ARHGAP27: variants seen among roughly 807,000 people sequenced by gnomAD.
The protein encoded by ARHGAP27 is rho GTPase-activating protein 27.
Under a neutral mutation model 102.0 loss-of-function variants are expected in ARHGAP27, and 53 were observed. The observed-to-expected ratio is 0.52, with a 90% CI of 0.42 to 0.65. The LOEUF (loss-of-function observed/expected upper bound fraction) is 0.65. ARHGAP27 is among the 30% of genes least tolerant of loss of function. ARHGAP27 has a pLI of 0.00. For synonymous variants in ARHGAP27, 525 were observed against 542.8 expected (o/e 0.97, Z 0.46); for missense variants, 1,117 against 1,256.2 (o/e 0.89, Z 1.68).
intron 4 of ARHGAP27, among the ~76,000 whole-genome samples, chr17:45,423,143 T>C (rs1249263581): frequency 6.6e-6 from 1 of 152,032 alleles, no homozygotes; most frequent in East Asian, 1.9e-4. Context: ...ACCACGCCAC[T>C]GCACTCCAGC....
chr17:45,406,414 T>C (rs1294187734), intron 4 of ARHGAP27, among the ~76,000 whole-genome samples: 1 of 152,216 alleles, frequency 6.6e-6, no homozygotes, highest in African/African-American at 2.4e-5. Context: ...AAATGTCTGC[T>C]CTGTCCATTC....
Position 45,404,063 on chromosome 17 carries a change from G to A in ARHGAP27, c.1513C>T (p.Arg505Cys), listed in dbSNP as rs759649387. ...TTTCCCTTGTCTGCCGTCTTGGTGC[G>A]ATGGAGCACCCCTGCCTTGTCCAAG... ...KTLDKAGVLH[R>C]TKTADKGKRL... Residue 505 changes from arginine to cysteine, a missense_variant, in exon 10 of 20, where the codon CGC becomes TGC. Transcript: ENST00000685559. The A allele has an allele frequency of 4.3e-6, 7 of 1,614,134 alleles. No individual in the cohort carries two copies. The highest frequency in any genetic ancestry group is 3.3e-5 in the Admixed American group (2 of 60,026).
chr17:45,424,238 C>G (rs1437725851), intron 4 of ARHGAP27, among the ~76,000 whole-genome samples: 1 of 152,236 alleles, frequency 6.6e-6, no homozygotes, highest in Non-Finnish European at 1.5e-5. Flanking sequence ...TGGAAGTTCC[C>G]TCAACACCAG....
rs148406752 is a variant in ARHGAP27 at position 45,421,419 on chromosome 17, C to T, written c.657+8204G>A. Among the ~76,000 whole-genome samples, 1,010 of 150,486 alleles carry T rather than the reference C, an allele frequency of 6.7e-3. 7 individuals carry two copies. The highest frequency in any genetic ancestry group is 0.012 in the Non-Finnish European group (789 of 67,432). ...ATCACTTGAACCCAGGAGGTCGAGG[C>T]TGCAGTGAGCCGTGATCGTGCCATA... On this transcript the variant is annotated intron_variant, in intron 4 of 19. Coordinates refer to ENST00000685559, the MANE Select transcript of ARHGAP27 (RefSeq NM_001282290.2).
chr17:45,419,534 A>G (rs1295851206), intron 4 of ARHGAP27, among the ~76,000 whole-genome samples: 90 of 138,880 alleles, frequency 6.5e-4, no homozygotes, highest in Middle Eastern at 3.7e-3. Flanking sequence ...ATATATATAT[A>G]TATATATATA....
At chr17:45,410,052 C>T (rs1233287178) in intron 4 of ARHGAP27, 7 of 735,682 alleles carry the variant, frequency 9.5e-6, no homozygotes, top group Non-Finnish European at 4.3e-6. Flanking sequence ...GGCAGCCCTG[C>T]CACTCTTGCC....
At position 45,395,278 on chromosome 17, in the gene ARHGAP27, T is replaced by C; in HGVS notation, c.*178A>G. The stretch of plus-strand genomic sequence containing the variant: ...GGGAGTTGGGAAGAAGGAATCACAT[T>C]TTGCAAACTGCCCACTAGGGGTCAC... On this transcript the variant is annotated 3_prime_UTR_variant, in exon 20 of 20. Transcript: ENST00000685559. 2.8e-6 allele frequency: 2 copies of C among 715,828 alleles called. No individual in the cohort carries two copies. The highest frequency in any genetic ancestry group is 4.4e-6 in the Non-Finnish European group (2 of 451,248). The allele number at this position is 715,828 out of a possible 1,614,324, so 44.3% of individuals were successfully genotyped here.
At chr17:45,416,349 C>T (rs1449698965) in intron 4 of ARHGAP27, among the ~76,000 whole-genome samples, 1 of 151,996 alleles carries the variant, frequency 6.6e-6, no homozygotes, top group Non-Finnish European at 1.5e-5. Context: ...CCACCGCGCC[C>T]AGCCTCATGC....
chr17:45,429,830 G>A lies in ARHGAP27; in HGVS notation c.450C>T (p.Pro150=), dbSNP rs1422901222. The A allele has an allele frequency of 7.1e-7, 1 of 1,405,968 alleles. No homozygotes were observed. Among genetic ancestry groups the A allele is most frequent in the East Asian group, 3.3e-5 (1 of 30,702 alleles). 87.1% of individuals were successfully genotyped at this position (1,405,968 alleles called of 1,614,324 possible). A position where few individuals can be genotyped will look rare whatever the true frequency, so the allele number is the denominator to read the frequency against. The part of the protein sequence containing the change: ...PACLYLRPAA[P]VRPAQSLNDL... ...CGTTCAGGGACTGCGCGGGCCGCACGGGCGCCGCGGGCCGCAGGTACAGGC... is the reference window on the plus strand; with the variant it reads ...CGTTCAGGGACTGCGCGGGCCGCACAGGCGCCGCGGGCCGCAGGTACAGGC... Residue 150 remains proline (P), a synonymous_variant, in exon 4 of 20, where the codon CCC becomes CCT. Transcript: ENST00000685559.
chr17:45,397,202 AT>A lies in ARHGAP27; in HGVS notation c.1843-179del, dbSNP rs1263337638. On this transcript the variant is annotated intron_variant, in intron 13 of 19. Coordinates refer to ENST00000685559, the MANE Select transcript of ARHGAP27 (RefSeq NM_001282290.2). Reference sequence around the variant, plus strand: ...TACCTCCACCAGTGAGCCTGAGAACATTCACCTCCCTTAGCTGCATGGAGCC... The same window carrying A: ...TACCTCCACCAGTGAGCCTGAGAACATCACCTCCCTTAGCTGCATGGAGCC... The A allele has an allele frequency of 2.8e-6, 4 of 1,433,432 alleles. No homozygotes were observed. In the East Asian group the frequency reaches 1.0e-4, roughly 36 times the overall value. 88.8% of individuals were successfully genotyped at this position (1,433,432 alleles called of 1,614,324 possible). A position where few individuals can be genotyped will look rare whatever the true frequency, so the allele number is the denominator to read the frequency against.
chr17:45,417,167 A>C (rs535265440), intron 4 of ARHGAP27, among the ~76,000 whole-genome samples: 57 of 149,854 alleles, frequency 3.8e-4, no homozygotes, highest in African/African-American at 1.3e-3. Flanking sequence ...AAAAAAAAAA[A>C]CAAAAATTAT....
chr17:45,400,493 A>G (rs2046312393), intron 12 of ARHGAP27, among the ~76,000 whole-genome samples: 1 of 152,198 alleles, frequency 6.6e-6, no homozygotes, highest in Non-Finnish European at 1.5e-5. Context: ...AGTCCTTGCC[A>G]GCAAAGACAA....
intron 4 of ARHGAP27, chr17:45,410,287 A>C: frequency 6.5e-7 from 1 of 1,530,276 alleles, no homozygotes; most frequent in Non-Finnish European, 8.7e-7. Flanking sequence ...TATGTCCACC[A>C]TCCTGGCCCC....
intron 18 of ARHGAP27, 50 bp from the exon 19 acceptor site, chr17:45,395,899 G>A (rs923896833): frequency 6.3e-7 from 1 of 1,575,634 alleles, no homozygotes; most frequent in South Asian, 1.1e-5. Flanking sequence ...GAGGTAGGGG[G>A]TATCGGCTGG....
chr17:45,429,758 G>T lies in ARHGAP27; in HGVS notation c.522C>A (p.Ser174Arg). 6.5e-7 allele frequency: 1 copy of T among 1,534,320 alleles called. No homozygotes were observed. The highest frequency in any genetic ancestry group is 8.8e-7 in the Non-Finnish European group (1 of 1,141,646). Residue 174 changes from serine to arginine, a missense_variant, in exon 4 of 20, where the codon AGC becomes AGA. Coordinates refer to ENST00000685559, the MANE Select transcript of ARHGAP27 (RefSeq NM_001282290.2). Reference protein sequence around the residue: ...AVSPPAGLLGSSGSFKACSVA... With the variant: ...AVSPPAGLLGRSGSFKACSVA... ...CGCTGCAGGCCTTGAAGCTGCCGCT[G>T]CTTCCTAGGAGGCCGGCGGGAGGCG...
At chr17:45,432,071 G>T (rs1007381902) in intron 2 of ARHGAP27, 145 bp downstream of exon 2, 10 of 223,820 alleles carry the variant, frequency 4.5e-5, no homozygotes, top group Non-Finnish European at 7.9e-5. Context: ...TCCTGTGCGC[G>T]GCTCTGGGAA....
chr17:45,411,810 C>T (rs1399006210), intron 4 of ARHGAP27, among the ~76,000 whole-genome samples: 2 of 152,020 alleles, frequency 1.3e-5, no homozygotes, highest in African/African-American at 4.8e-5. Flanking sequence ...CACACACACA[C>T]ACACACACAC....
chr17:45,430,548 A>G lies in ARHGAP27; in HGVS notation c.-18-251T>C, dbSNP rs1197884219. 2.0e-5 allele frequency among the ~76,000 whole-genome samples: 3 copies of G among 152,224 alleles called. No individual in the cohort carries two copies. Among genetic ancestry groups the G allele is most frequent in the Non-Finnish European group, 4.4e-5 (3 of 68,036 alleles). ...GATTCTAAGATTTGACCCTTGCTTC[A>G]GTCCTGCGGTGGGGAGATTGTGGGT... On this transcript the variant is annotated intron_variant, in intron 3 of 19. Coordinates refer to ENST00000685559, the MANE Select transcript of ARHGAP27 (RefSeq NM_001282290.2). This position sits in a 1 kb window ranked among gnomAD's most constrained non-coding sequence, Gnocchi z 4.4.
Position 45,396,977 on chromosome 17 carries a change from G to T in ARHGAP27, c.1890C>A (p.Phe630Leu). Residue 630 changes from phenylalanine to leucine, a missense_variant, in exon 14 of 20, where the codon TTC (phenylalanine) becomes TTA (leucine). Coordinates refer to ENST00000685559, the MANE Select transcript of ARHGAP27 (RefSeq NM_001282290.2). Reference sequence around the variant, plus strand: ...AGCTTCCCAAGCGCTCGCTCGACCCGAAGTCCACTCTGCTGCTCTCGCTCT... The same window carrying T: ...AGCTTCCCAAGCGCTCGCTCGACCCTAAGTCCACTCTGCTGCTCTCGCTCT... The part of the protein sequence containing the change: ...PEESESSRVD[F>L]GSSERLGSWQ... 2 of 1,605,324 alleles carry T rather than the reference G, an allele frequency of 1.2e-6. No homozygotes were observed. The highest frequency in any genetic ancestry group is 1.7e-6 in the Non-Finnish European group (2 of 1,179,958).
Sources: gnomAD v4.1 joint callset for allele counts (sites outside exome capture counted in the v4.1 genomes callset) on GRCh38, gnomAD v4.1.1 for gene constraint, Gnocchi (gnomAD v3.1) non-coding constraint, MANE v1.5 for transcripts, NCBI Gene and HGNC (gene_info 2026-07-23, HGNC 2026-07-21) for gene names.